Variants in MMRN1 observed in about 807,000 individuals in gnomAD.
MMRN1 encodes multimerin 1, also known as multimerin-1.
In MMRN1, 94 loss-of-function variants were observed where a neutral mutation model predicts 100.7. That is an observed-to-expected ratio of 0.93 (90% CI 0.79 to 1.11). The LOEUF (loss-of-function observed/expected upper bound fraction) is 1.11. Among genes scored for constraint, MMRN1 ranks in the 50% least tolerant of loss-of-function variants. The probability of loss-of-function intolerance (pLI) is 0.00; values close to 1 mark genes in which losing one functional copy is unlikely to be tolerated. For synonymous variants in MMRN1, 575 were observed against 505.0 expected (o/e 1.14, Z -1.86); for missense variants, 1,606 against 1,439.1 (o/e 1.12, Z -1.88).
rs1006108040 is a variant in MMRN1 at position 89,896,934 on chromosome 4, T to C, written c.623+1340T>C. Among the ~76,000 whole-genome samples the C allele has an allele frequency of 3.9e-5, 6 of 152,280 alleles. No homozygotes were observed. In the East Asian group the frequency reaches 1.2e-3, roughly 29 times the overall value. ...CTTACTGTAAAACAAATAGTACAGA[T>C]TACAATATGTTCACTTTGGGACAAG... On this transcript the variant is annotated intron_variant, in intron 1 of 7. Transcript: ENST00000264790.
chr4:89,931,630 C>A (rs2110627214), intron 5 of MMRN1, among the ~76,000 whole-genome samples: 1 of 152,200 alleles, frequency 6.6e-6, no homozygotes, highest in East Asian at 1.9e-4. Context: ...GGAGGCCTCA[C>A]AATCAAGGCA....
In MMRN1 at chr4:89,895,102, T is replaced by A. The variant is rs1256039742; in HGVS notation, c.131T>A (p.Val44Asp). 1 of 1,613,858 alleles carries A rather than the reference T, an allele frequency of 6.2e-7. No individual in the cohort carries two copies. Residue 44 changes from valine to aspartate, a missense_variant, in exon 1 of 8, where the codon GTT (valine) becomes GAT (aspartate). Physicochemically the swap from Val to Asp is radical, Grantham distance 152. Transcript: ENST00000264790. ...CAGAAGACTATGCCTTCTGCTTCAG[T>A]TCCTCCAAATAAAATACAAAGTTTG... ...NSQKTMPSAS[V>D]PPNKIQSLQI... is the part of the protein sequence containing the mutation.
Position 89,912,017 on chromosome 4 carries a change from C to T in MMRN1, c.817C>T (p.Pro273Ser), listed in dbSNP as rs556919574. 6.2e-7 allele frequency: 1 copy of T among 1,602,190 alleles called. No homozygotes were observed. The highest frequency in any genetic ancestry group is 1.1e-5 in the South Asian group (1 of 89,640). The change falls in exon 3 of 8, where the codon CCT becomes TCT. Residue 273 changes from proline (P) to serine (S), a missense_variant. By Grantham distance (74) the Pro-to-Ser change is moderately conservative (BLOSUM62 -1). Transcript: ENST00000264790. ...IVTSLDWRCC[P>S]GYSGPKCQLR... ...CACCTCATTGGATTGGAGGTGCTGT[C>T]CTGGATACAGTGGGCCGAAATGTCA...
intron 6 of MMRN1, among the ~76,000 whole-genome samples, chr4:89,943,996 G>A (rs568185333): frequency 6.6e-6 from 1 of 150,378 alleles, no homozygotes; most frequent in Non-Finnish European, 1.5e-5. Context: ...AAAAAAAAAT[G>A]ATAGTGAAAG....
At chr4:89,910,483 G>A (rs777448029) in intron 2 of MMRN1, among the ~76,000 whole-genome samples, 10 of 150,906 alleles carry the variant, frequency 6.6e-5, no homozygotes, top group Non-Finnish European at 1.0e-4. Context: ...GCATTCATTC[G>A]CTATTTTTAA....
Position 89,927,871 on chromosome 4 carries a change from T to C in MMRN1, c.1032T>C (p.Asn344=). Residue 344 remains asparagine, a synonymous_variant, in exon 5 of 8, where the codon AAT becomes AAC. Coordinates refer to ENST00000264790, the MANE Select transcript of MMRN1 (RefSeq NM_007351.3). ...CTCTTCTGCAGAAGAAGATTGACAA[T>C]ATTTCTTTGACTGTGAATGATGTAA... ...KLTLLQKKID[N]ISLTVNDVRN... 6.2e-7 allele frequency: 1 copy of C among 1,612,406 alleles called. No individual in the cohort carries two copies. The highest frequency in any genetic ancestry group is 8.5e-7 in the Non-Finnish European group (1 of 1,179,148).
chr4:89,921,263 T>A (rs1428817661), intron 3 of MMRN1, among the ~76,000 whole-genome samples: 1 of 152,132 alleles, frequency 6.6e-6, no homozygotes, highest in Non-Finnish European at 1.5e-5. Context: ...TAAATATTTA[T>A]AAGTTAGTAT....
rs577920983 is a variant in MMRN1 at position 89,950,882 on chromosome 4, A to AT, written c.3119-713dup. On this transcript the variant is annotated intron_variant, in intron 6 of 7. Coordinates refer to ENST00000264790, the MANE Select transcript of MMRN1 (RefSeq NM_007351.3). ...CCTCATTTTCCATTTTTAAGGGAGA[A>AT]TTTTTTTTTTCTTTTCAGAGTTTTT... Among the ~76,000 whole-genome samples the AT allele has an allele frequency of 7.3e-3, 1,099 of 149,544 alleles. 6 individuals are homozygous for AT. The highest frequency in any genetic ancestry group is 0.028 in the Middle Eastern group (8 of 290).
chr4:89,926,689 C>T (rs931382915), intron 4 of MMRN1, among the ~76,000 whole-genome samples: 2 of 152,100 alleles, frequency 1.3e-5, no homozygotes, highest in Non-Finnish European at 2.9e-5. Context: ...GGGTATTACT[C>T]AAGAAATTTT....
intron 4 of MMRN1, among the ~76,000 whole-genome samples, chr4:89,925,923 T>C (rs902635190): frequency 6.6e-6 from 1 of 152,198 alleles, no homozygotes; most frequent in Admixed American, 6.6e-5. Context: ...TTATTTCCCT[T>C]AGCATAACGA....
At position 89,936,706 on chromosome 4, in the gene MMRN1, A is replaced by G. The variant is rs1722655909; in HGVS notation, c.3026A>G (p.Lys1009Arg). 1 of 1,613,488 alleles carries G rather than the reference A, an allele frequency of 6.2e-7. No individual in the cohort carries two copies. The highest frequency in any genetic ancestry group is 1.3e-5 in the African/African-American group (1 of 74,910). The change falls in exon 6 of 8, where the codon AAG becomes AGG. Residue 1009 changes from lysine (K) to arginine (R), a missense_variant. Coordinates refer to ENST00000264790, the MANE Select transcript of MMRN1 (RefSeq NM_007351.3). ...KSQKQVKSLP[K>R]KINALKKPTV... ...CAGAAGCAAGTAAAATCATTGCCAA[A>G]GAAAATTAACGCACTTAAGAAACCA...
chr4:89,927,843 T>C lies in MMRN1; in HGVS notation c.1004T>C (p.Leu335Pro), dbSNP rs140261262. ...CAGGTGAACTACCAGGCAATGAAAC[T>C]GACTCTTCTGCAGAAGAAGATTGAC... ...TDQVNYQAMK[L>P]TLLQKKIDNI... The change falls in exon 5 of 8, where the codon CTG becomes CCG. Residue 335 changes from leucine to proline, a missense_variant. Physicochemically the swap from Leu to Pro is moderately conservative, Grantham distance 98. Transcript: ENST00000264790. 6.2e-7 allele frequency: 1 copy of C among 1,612,534 alleles called. No homozygotes were observed. The highest frequency in any genetic ancestry group is 1.3e-5 in the African/African-American group (1 of 74,846).
chr4:89,904,698 G>A (rs1388444330), intron 1 of MMRN1, among the ~76,000 whole-genome samples: 1 of 151,606 alleles, frequency 6.6e-6, no homozygotes, highest in Non-Finnish European at 1.5e-5. Context: ...GGACACTTGA[G>A]TTGCCTCTAC....
chr4:89,941,107 C>T (rs998064835), intron 6 of MMRN1, among the ~76,000 whole-genome samples: 3 of 152,100 alleles, frequency 2.0e-5, no homozygotes, highest in Non-Finnish European at 2.9e-5. Flanking sequence ...AAAATATTTT[C>T]AAATATACCT....
intron 6 of MMRN1, among the ~76,000 whole-genome samples, chr4:89,940,422 T>C (rs1236248996): frequency 1.3e-5 from 2 of 152,172 alleles, no homozygotes; most frequent in Non-Finnish European, 2.9e-5. Flanking sequence ...TTTTAAAATG[T>C]AATTTTAAAA....
At chr4:89,940,640 T>A (rs1233224802) in intron 6 of MMRN1, among the ~76,000 whole-genome samples, 5 of 152,148 alleles carry the variant, frequency 3.3e-5, no homozygotes, top group Admixed American at 3.3e-4. Context: ...AATAAGTCAT[T>A]TATTTTTCTA....
intron 5 of MMRN1, among the ~76,000 whole-genome samples, chr4:89,931,616 C>T (rs976921028): frequency 1.3e-5 from 2 of 152,096 alleles, no homozygotes; most frequent in Non-Finnish European, 2.9e-5. Flanking sequence ...TTCCACATGG[C>T]TGGGGAGGCC....
Position 89,935,880 on chromosome 4 carries a change from A to G in MMRN1, c.2200A>G (p.Ile734Val). 1.2e-6 allele frequency: 2 copies of G among 1,610,042 alleles called. No homozygotes were observed. The highest frequency in any genetic ancestry group is 2.2e-5 in the East Asian group (1 of 44,786). ...AGATGGCCTCAATAAGACAATGACT[A>G]TTATAAATAATGCTATTGATTTCAT... ...MEDGLNKTMT[I>V]INNAIDFIQD... Residue 734 changes from isoleucine to valine, a missense_variant, in exon 6 of 8, where the codon ATT becomes GTT. Physicochemically the swap from Ile to Val is conservative, Grantham distance 29. Coordinates refer to ENST00000264790, the MANE Select transcript of MMRN1 (RefSeq NM_007351.3).
intron 3 of MMRN1, among the ~76,000 whole-genome samples, chr4:89,918,365 T>G (rs1441164350): frequency 6.6e-6 from 1 of 151,816 alleles, no homozygotes; most frequent in African/African-American, 2.4e-5. Flanking sequence ...TTTAAAAAAG[T>G]CTATTTTCCA....
Sources: gnomAD v4.1 joint callset for allele counts (sites outside exome capture counted in the v4.1 genomes callset) on GRCh38, gnomAD v4.1.1 for gene constraint, MANE v1.5 for transcripts, NCBI Gene and HGNC (gene_info 2026-07-23, HGNC 2026-07-21) for gene names.